The following HMGA2 variants were observed in gnomAD, a reference collection of about 807,000 sequenced individuals.
The protein encoded by HMGA2 is high mobility group AT-hook 2, also known as high mobility group protein HMGI-C.
A neutral mutation model predicts 19.1 loss-of-function variants in HMGA2; 8 were observed. That is an observed-to-expected ratio of 0.42 (90% CI 0.25 to 0.76). HMGA2 has a LOEUF of 0.76. HMGA2 is among the 30% of genes least tolerant of loss of function. HMGA2 has a pLI of 0.28. For missense variants in HMGA2, 109 were observed against 136.3 expected (o/e 0.80, Z 1.00); for synonymous variants, 60 against 48.8 (o/e 1.23, Z -0.96).
At chr12:65,886,339 C>T (rs1175035593) in intron 3 of HMGA2, among the ~76,000 whole-genome samples, 2 of 150,792 alleles carry the variant, frequency 1.3e-5, no homozygotes, top group Non-Finnish European at 2.9e-5. Context: ...TTCCTCCTCG[C>T]GGGGAGCTTC....
At chr12:65,859,240 C>T (rs944021266) in intron 3 of HMGA2, 8 of 152,238 alleles carry the variant, frequency 5.3e-5, no homozygotes, top group African/African-American at 1.9e-4. Context: ...CAATAGCACC[C>T]CTTTCACTCC....
intron 3 of HMGA2, among the ~76,000 whole-genome samples, chr12:65,903,587 G>A (rs1874462137): frequency 6.6e-6 from 1 of 152,176 alleles, no homozygotes; most frequent in Admixed American, 6.5e-5. Context: ...GAGCCACTGT[G>A]AGAAGGATCC....
intron 3 of HMGA2, among the ~76,000 whole-genome samples, chr12:65,945,187 T>C (rs540961856): frequency 1.2e-4 from 18 of 151,826 alleles, no homozygotes; most frequent in Admixed American, 9.8e-4. Context: ...TGTTGTAGGG[T>C]TCCACATAAG....
At chr12:65,836,571 C>G (rs1242538300) in intron 2 of HMGA2, among the ~76,000 whole-genome samples, 2 of 152,090 alleles carry the variant, frequency 1.3e-5, no homozygotes, top group Admixed American at 6.6e-5. Context: ...AATGGAAGAG[C>G]AGGAATTGGA....
chr12:65,899,311 A>C (rs1659189352), intron 3 of HMGA2, among the ~76,000 whole-genome samples: 1 of 152,172 alleles, frequency 6.6e-6, no homozygotes, highest in South Asian at 2.1e-4. Flanking sequence ...AGTCCTTTCC[A>C]ATGTTTATTT....
At chr12:65,920,784 A>G (rs1360736679) in intron 3 of HMGA2, among the ~76,000 whole-genome samples, 2 of 152,194 alleles carry the variant, frequency 1.3e-5, no homozygotes, top group Non-Finnish European at 2.9e-5. Context: ...TCCCAGTCTC[A>G]GGTATGTCTT....
intron 3 of HMGA2, among the ~76,000 whole-genome samples, chr12:65,918,979 G>A (rs1665973245): frequency 6.6e-6 from 1 of 152,172 alleles, no homozygotes; most frequent in South Asian, 2.1e-4. Flanking sequence ...TCTGTAGGAG[G>A]GAAGGGGTAC....
rs192560681 is a variant in HMGA2, at chr12:65,915,224, C to T, written c.250-36159C>T. 5.3e-4 allele frequency: 847 copies of T among 1,590,540 alleles called. 6 individuals carry two copies. The highest frequency in any genetic ancestry group is 6.9e-5 in the Non-Finnish European group (81 of 1,167,218). Reference sequence around the variant, plus strand: ...TATGAGCCTTATGTGTGGCTTTCTCCGATATAGAAACCTATCAGGTGTCTT... The same window carrying T: ...TATGAGCCTTATGTGTGGCTTTCTCTGATATAGAAACCTATCAGGTGTCTT... On this transcript the variant is annotated intron_variant, in intron 3 of 4. Coordinates refer to ENST00000403681, the MANE Select transcript of HMGA2 (RefSeq NM_003483.6).
chr12:65,824,644 C>A lies in HMGA2; in HGVS notation c.-627C>A. On this transcript the variant is annotated 5_prime_UTR_variant, in exon 1 of 5. Transcript: ENST00000403681. The stretch of plus-strand genomic sequence containing the variant: ...CTCTGCCTGTGCTCCGTGCCCGACC[C>A]TATCCCGGCGGAGTCTCCCCATCCT... The A allele has an allele frequency of 4.3e-6, 1 of 233,658 alleles. No homozygotes were observed. The allele number at this position is 233,658 out of a possible 1,614,324, so 14.5% of individuals were successfully genotyped here.
intron 3 of HMGA2, among the ~76,000 whole-genome samples, chr12:65,839,030 G>T (rs2583934): frequency 0.32 from 35,343 of 111,858 alleles, 7,364 homozygotes; most frequent in African/African-American, 0.64. Flanking sequence ...CATGGCTTTT[G>T]TTTGGACACA....
At chr12:65,946,807 T>C (rs1455129562) in intron 3 of HMGA2, among the ~76,000 whole-genome samples, 1 of 152,218 alleles carries the variant, frequency 6.6e-6, no homozygotes, top group Non-Finnish European at 1.5e-5. Context: ...ACTCTGTGGA[T>C]TTTAAAAATT....
chr12:65,941,339 G>T (rs924582585), intron 3 of HMGA2, among the ~76,000 whole-genome samples: 1 of 152,194 alleles, frequency 6.6e-6, no homozygotes, highest in Non-Finnish European at 1.5e-5. Flanking sequence ...AAAGGCCAGG[G>T]TGTCAGGGCC....
At chr12:65,876,636 G>GA (rs540439198) in intron 3 of HMGA2, among the ~76,000 whole-genome samples, 187 of 152,158 alleles carry the variant, frequency 1.2e-3, no homozygotes, top group Non-Finnish European at 2.0e-3. Context: ...TCTGATTTTT[G>GA]AAAACCATAA....
intron 3 of HMGA2, among the ~76,000 whole-genome samples, chr12:65,883,505 A>G (rs1198152290): frequency 6.6e-6 from 1 of 152,248 alleles, no homozygotes; most frequent in East Asian, 1.9e-4. Flanking sequence ...CTTAGAGAGA[A>G]GTTAAATAAC....
At position 65,916,388 on chromosome 12, in the gene HMGA2, T is replaced by C. The variant is rs370569348; in HGVS notation, c.250-34995T>C. Among the ~76,000 whole-genome samples the C allele has an allele frequency of 4.6e-5, 7 of 152,336 alleles. No homozygotes were observed. The East Asian group carries it at 1.3e-3, about 29-fold the overall frequency. Reference sequence around the variant, plus strand: ...ATGTACTGGACTGCAGATAGGTCTTTTGATGGATATGCTTGAAATTCCATT... The same window carrying C: ...ATGTACTGGACTGCAGATAGGTCTTCTGATGGATATGCTTGAAATTCCATT... On this transcript the variant is annotated intron_variant, in intron 3 of 4. Coordinates refer to ENST00000403681, the MANE Select transcript of HMGA2 (RefSeq NM_003483.6).
At chr12:65,885,875 G>A (rs1873634909) in intron 3 of HMGA2, among the ~76,000 whole-genome samples, 1 of 152,108 alleles carries the variant, frequency 6.6e-6, no homozygotes, top group Non-Finnish European at 1.5e-5. Flanking sequence ...TTTGTTTTGA[G>A]GGAAATTACT....
intron 4 of HMGA2, chr12:65,955,821 C>T (rs1008863768): frequency 2.6e-5 from 4 of 152,226 alleles, no homozygotes; most frequent in Non-Finnish European, 5.9e-5. Flanking sequence ...CCTTGATTAT[C>T]ACGGGATTTC....
At chr12:65,896,609 G>A (rs1450533935) in intron 3 of HMGA2, among the ~76,000 whole-genome samples, 1 of 152,166 alleles carries the variant, frequency 6.6e-6, no homozygotes, top group African/African-American at 2.4e-5. Context: ...TGTGCAGCAT[G>A]GCCATTTCTA....
intron 4 of HMGA2, chr12:65,955,103 C>A (rs1364575570): frequency 6.6e-6 from 1 of 152,174 alleles, no homozygotes; most frequent in Non-Finnish European, 1.5e-5. Context: ...ATCACTTGAA[C>A]CTGGTTGGCG....
Sources: gnomAD v4.1 joint callset for allele counts (sites outside exome capture counted in the v4.1 genomes callset) on GRCh38, gnomAD v4.1.1 for gene constraint, MANE v1.5 for transcripts, NCBI Gene and HGNC (gene_info 2026-07-23, HGNC 2026-07-21) for gene names.